Variants in TXLNB observed in about 807,000 individuals in gnomAD.
TXLNB encodes taxilin beta.
A neutral mutation model predicts 57.4 loss-of-function variants in TXLNB; 37 were observed. The ratio of observed to expected loss-of-function variants is 0.64; its 90% confidence interval spans 0.50 to 0.85. TXLNB has a LOEUF of 0.85. TXLNB is among the 40% of genes least tolerant of loss of function. The pLI is 0.00. For synonymous variants in TXLNB, 302 were observed against 309.6 expected (o/e 0.98, Z 0.26); for missense variants, 848 against 825.6 (o/e 1.03, Z -0.33).
chr6:139,179,635 CT>C, the TXLNB span: 7 of 152,106 alleles, frequency 4.6e-5, no homozygotes, highest in African/African-American at 1.4e-4. Flanking sequence ...GAAAATCTGG[CT>C]GATTTGGGAA....
the TXLNB span, among the ~76,000 whole-genome samples, chr6:139,216,199 C>T: frequency 9.9e-5 from 15 of 151,804 alleles, no homozygotes; most frequent in Non-Finnish European, 2.2e-4. Flanking sequence ...GCAGTATTCA[C>T]AATAGCAAAG....
At chr6:139,310,066 T>C in the TXLNB span, among the ~76,000 whole-genome samples, 10 of 152,294 alleles carry the variant, frequency 6.6e-5, no homozygotes, top group Non-Finnish European at 1.3e-4. Flanking sequence ...ACATTGGCCT[T>C]GGCAATGATA....
At chr6:139,310,510 A>C in the TXLNB span, among the ~76,000 whole-genome samples, 6 of 152,238 alleles carry the variant, frequency 3.9e-5, no homozygotes, top group African/African-American at 9.6e-5. Flanking sequence ...ATTAGAAGTA[A>C]ATTTCTGGCA....
In TXLNB at chr6:139,242,275, C is replaced by G; in HGVS notation, c.*251G>C. On this transcript the variant is annotated 3_prime_UTR_variant, in exon 10 of 10. Transcript: ENST00000358430. Reference sequence around the variant, plus strand: ...CAGAAAAGGAATATAAATTTGCTATCTGTATGTTTTGTTGCCCTTTGGGAA... The same window carrying G: ...CAGAAAAGGAATATAAATTTGCTATGTGTATGTTTTGTTGCCCTTTGGGAA... 1 of 349,478 alleles carries G rather than the reference C, an allele frequency of 2.9e-6. No individual in the cohort carries two copies. Among genetic ancestry groups the G allele is most frequent in the East Asian group, 4.3e-5 (1 of 23,116 alleles). The allele number at this position is 349,478 out of a possible 1,614,324, so 21.6% of individuals were successfully genotyped here. A position where few individuals can be genotyped will look rare whatever the true frequency, so the allele number is the denominator to read the frequency against.
chr6:139,191,450 A>C, the TXLNB span, among the ~76,000 whole-genome samples: 2 of 152,222 alleles, frequency 1.3e-5, no homozygotes, highest in Admixed American at 6.5e-5. Context: ...AATCCAGTTT[A>C]TCAACTGCAC....
the TXLNB span, among the ~76,000 whole-genome samples, chr6:139,217,881 A>G: frequency 0.011 from 1,678 of 151,298 alleles, 12 homozygotes; most frequent in Middle Eastern, 0.017. Flanking sequence ...AAAAAAAAAA[A>G]AAAAAAGAAA....
intron 2 of TXLNB, among the ~76,000 whole-genome samples, chr6:139,281,192 A>C (rs1777039494): frequency 6.6e-6 from 1 of 152,206 alleles, no homozygotes; most frequent in Non-Finnish European, 1.5e-5. Context: ...GTCATTTCAC[A>C]ACTAAAATAG....
the TXLNB span, among the ~76,000 whole-genome samples, chr6:139,219,128 AC>A: frequency 6.6e-6 from 1 of 152,142 alleles, no homozygotes. Flanking sequence ...CCCATTTCTC[AC>A]TGAAGTGGGA....
At chr6:139,250,980 A>C (rs1776190960) in intron 7 of TXLNB, among the ~76,000 whole-genome samples, 1 of 152,216 alleles carries the variant, frequency 6.6e-6, no homozygotes. Context: ...TTAAAAAAGA[A>C]AAAGGCAGAA....
chr6:139,321,406 A>C, the TXLNB span, among the ~76,000 whole-genome samples: 3 of 152,214 alleles, frequency 2.0e-5, no homozygotes, highest in African/African-American at 7.2e-5. Context: ...CTCTGACCAG[A>C]TACTGAATCT....
intron 3 of TXLNB, among the ~76,000 whole-genome samples, chr6:139,272,383 C>T (rs1435557551): frequency 2.6e-5 from 4 of 152,150 alleles, no homozygotes; most frequent in Non-Finnish European, 4.4e-5. Flanking sequence ...ACACTTTCTT[C>T]GGTTCACATT....
At chr6:139,278,357 G>C (rs1776954509) in intron 2 of TXLNB, among the ~76,000 whole-genome samples, 1 of 152,012 alleles carries the variant, frequency 6.6e-6, no homozygotes, top group African/African-American at 2.4e-5. Context: ...GTCTATCTTT[G>C]CCTAGTGAGT....
At chr6:139,166,953 G>A in the TXLNB span, 4 of 1,614,160 alleles carry the variant, frequency 2.5e-6, no homozygotes, top group Non-Finnish European at 2.5e-6. Flanking sequence ...ATGGCTGGGG[G>A]CCATGTGTTC....
chr6:139,288,538 G>T lies in TXLNB; in HGVS notation c.362C>A (p.Thr121Asn). ...REPVASGEPP[T>N]VKEPVSNKEQ... Reference sequence around the variant, plus strand: ...CTTATTGCTGACGGGCTCTTTGACAGTGGGTGGCTCTCCAGAAGCAACGGG... The same window carrying T: ...CTTATTGCTGACGGGCTCTTTGACATTGGGTGGCTCTCCAGAAGCAACGGG... The change falls in exon 2 of 10, where the codon ACT (threonine) becomes AAT (asparagine). Residue 121 changes from threonine to asparagine, a missense_variant. Thr to Asn is a moderately conservative substitution (Grantham distance 65). Transcript: ENST00000358430. The T allele has an allele frequency of 6.2e-7, 1 of 1,614,176 alleles. No homozygotes were observed. The highest frequency in any genetic ancestry group is 8.5e-7 in the Non-Finnish European group (1 of 1,180,038).
the TXLNB span, among the ~76,000 whole-genome samples, chr6:139,302,552 T>A: frequency 6.8e-6 from 1 of 147,672 alleles, no homozygotes; most frequent in Non-Finnish European, 1.5e-5. Flanking sequence ...TTGCCTGAGG[T>A]CAGGAGTTTG....
chr6:139,306,876 A>C, the TXLNB span, among the ~76,000 whole-genome samples: 1 of 152,154 alleles, frequency 6.6e-6, no homozygotes, highest in African/African-American at 2.4e-5. Flanking sequence ...ACTTGCAGCC[A>C]ACTCAAGCCC....
At chr6:139,216,978 C>T in the TXLNB span, among the ~76,000 whole-genome samples, 10 of 152,068 alleles carry the variant, frequency 6.6e-5, no homozygotes, top group African/African-American at 2.4e-4. Context: ...AACTTATCCA[C>T]ATAACAAAAA....
upstream of TXLNB, among the ~76,000 whole-genome samples, chr6:139,294,719 C>T (rs1777359590): frequency 1.3e-5 from 2 of 152,226 alleles, no homozygotes; most frequent in African/African-American, 4.8e-5. Context: ...GCCCGGCACG[C>T]TGGCTCACGG....
the TXLNB span, among the ~76,000 whole-genome samples, chr6:139,160,321 A>G: frequency 6.6e-6 from 1 of 152,234 alleles, no homozygotes; most frequent in African/African-American, 2.4e-5. Context: ...CACAGTTTAG[A>G]TTAATGCGCC....
Sources: allele counts gnomAD v4.1 joint callset (sites outside exome capture counted in the v4.1 genomes callset), GRCh38; gene constraint gnomAD v4.1.1; transcripts MANE v1.5; gene names NCBI Gene and HGNC (gene_info 2026-07-23, HGNC 2026-07-21).